MICU3: variants seen among roughly 807,000 people sequenced by gnomAD.
MICU3 encodes mitochondrial calcium uptake 3, also known as calcium uptake protein 3, mitochondrial.
In MICU3, 62 loss-of-function variants were observed where a neutral mutation model predicts 66.5. The observed-to-expected ratio is 0.93, with a 90% CI of 0.76 to 1.15. The LOEUF (loss-of-function observed/expected upper bound fraction) is 1.15. MICU3 is among the 50% of genes most tolerant of loss of function. The pLI, the probability that MICU3 is intolerant of heterozygous loss-of-function variation, is 0.00. For synonymous variants in MICU3, 308 were observed against 240.7 expected, an observed-to-expected ratio of 1.28 and a Z score of -2.59; for missense variants, 779 against 664.4, an observed-to-expected ratio of 1.17 and a Z score of -1.90.
In MICU3 at chr8:17,121,017, A is replaced by C. The variant is rs1298029821; in HGVS notation, c.*730A>C. 1 of 151,860 alleles carries C rather than the reference A, an allele frequency of 6.6e-6. No individual in the cohort carries two copies. The highest frequency in any genetic ancestry group is 1.5e-5 in the Non-Finnish European group (1 of 67,798). 9.4% of individuals were successfully genotyped at this position (151,860 alleles called of 1,614,324 possible). On this transcript the variant is annotated 3_prime_UTR_variant, in exon 15 of 15. Transcript: ENST00000318063. ...AAGTGTAGAATTTTCCTCCCCCAAA[A>C]AGTCATGTGTTGATAGTAGAAGCAG...
intron 3 of MICU3, 90 bp downstream of exon 3, chr8:17,069,809 T>TTTA: frequency 2.4e-6 from 1 of 415,396 alleles, no homozygotes; most frequent in Non-Finnish European, 3.8e-6. Context: ...TAAAATATAT[T>TTTA]ATGTATTTTT....
rs1210525265 is a variant in MICU3, at chr8:17,027,450, A to C, written c.171A>C (p.Ala57=). 6 of 1,300,722 alleles carry C rather than the reference A, an allele frequency of 4.6e-6. No homozygotes were observed. Among genetic ancestry groups the C allele is most frequent in the Non-Finnish European group, 5.8e-6 (6 of 1,029,242 alleles). The allele number at this position is 1,300,722 out of a possible 1,614,324, so 80.6% of individuals were successfully genotyped here. ...AGGAGAGGGCTGTGGCGGAGGCGGC[A>C]TGGAGGCGGCGGCGGCGCTGGGGGG... ...EDEERAVAEA[A]WRRRRRWGEL... Residue 57 remains alanine (A), a synonymous_variant, in exon 1 of 15, where the codon GCA becomes GCC. Coordinates refer to ENST00000318063, the MANE Select transcript of MICU3 (RefSeq NM_181723.3).
intron 11 of MICU3, among the ~76,000 whole-genome samples, chr8:17,106,490 A>AC (rs1801748801): frequency 6.6e-6 from 1 of 150,552 alleles, no homozygotes; most frequent in Non-Finnish European, 1.5e-5. Context: ...AAATTGTACT[A>AC]CCCTAGTAGT....
intron 3 of MICU3, among the ~76,000 whole-genome samples, chr8:17,075,380 C>G (rs1053908476): frequency 2.6e-5 from 4 of 152,176 alleles, no homozygotes; most frequent in Non-Finnish European, 4.4e-5. Context: ...ACTCTGTAAT[C>G]ACAGTTATTC....
chr8:17,053,485 A>G (rs1816434180), intron 1 of MICU3, among the ~76,000 whole-genome samples: 1 of 152,172 alleles, frequency 6.6e-6, no homozygotes, highest in African/African-American at 2.4e-5. Context: ...TAGCCTCACT[A>G]CCTTAACAAG....
At chr8:17,088,317 A>T (rs1388668170) in intron 7 of MICU3, among the ~76,000 whole-genome samples, 1 of 151,996 alleles carries the variant, frequency 6.6e-6, no homozygotes, top group Non-Finnish European at 1.5e-5. Flanking sequence ...TTCTCTACTT[A>T]ATTCAGGTCT....
intron 12 of MICU3, among the ~76,000 whole-genome samples, chr8:17,115,162 C>G (rs1369325808): frequency 6.6e-6 from 1 of 151,220 alleles, no homozygotes; most frequent in African/African-American, 2.4e-5. Flanking sequence ...TTATTATGTT[C>G]TAGAGAGAAG....
At chr8:17,037,100 G>A (rs543904865) in intron 1 of MICU3, among the ~76,000 whole-genome samples, 59 of 152,330 alleles carry the variant, frequency 3.9e-4, no homozygotes, top group African/African-American at 1.3e-3. Flanking sequence ...AGGGCTGGCC[G>A]GCTGCTCCGA....
At chr8:17,032,978 C>T (rs140204647) in intron 1 of MICU3, among the ~76,000 whole-genome samples, 1 of 152,146 alleles carries the variant, frequency 6.6e-6, no homozygotes. Context: ...CCATATAAGA[C>T]AGCAAAGAAT....
intron 1 of MICU3, among the ~76,000 whole-genome samples, chr8:17,034,008 G>C (rs977560247): frequency 2.0e-5 from 3 of 152,200 alleles, no homozygotes; most frequent in Non-Finnish European, 4.4e-5. Flanking sequence ...CTAGGACTTT[G>C]ATAGCTAGAG....
the MICU3 span, chr8:17,132,243 A>G: frequency 1.3e-5 from 2 of 152,234 alleles, no homozygotes; most frequent in Non-Finnish European, 2.9e-5. Flanking sequence ...CATGAAAAGC[A>G]AAAAAGGAAA....
At chr8:17,126,355 C>T (rs971039367), downstream of MICU3, among the ~76,000 whole-genome samples, 7 of 152,056 alleles carry the variant, frequency 4.6e-5, no homozygotes, top group South Asian at 2.1e-4. Context: ...TCTCTGTACT[C>T]TCTTCCAGTT....
intron 1 of MICU3, among the ~76,000 whole-genome samples, chr8:17,032,166 G>C (rs1019268873): frequency 1.3e-5 from 2 of 152,198 alleles, no homozygotes; most frequent in East Asian, 1.9e-4. Context: ...CTTCAGTAAA[G>C]GTCAAAATTC....
At chr8:17,119,286 C>A (rs973525524) in intron 14 of MICU3, among the ~76,000 whole-genome samples, 2 of 152,094 alleles carry the variant, frequency 1.3e-5, no homozygotes. Context: ...TTTATTATAA[C>A]TTATTATTCC....
intron 2 of MICU3, 130 bp downstream of exon 2, chr8:17,064,367 CA>C: frequency 1.6e-6 from 1 of 607,702 alleles, no homozygotes; most frequent in Non-Finnish European, 2.7e-6. Context: ...TTGTGCTATT[CA>C]GTGTTACAGA....
At chr8:17,031,680 T>C (rs771161475) in intron 1 of MICU3, among the ~76,000 whole-genome samples, 34 of 152,308 alleles carry the variant, frequency 2.2e-4, no homozygotes, top group Admixed American at 5.9e-4. Context: ...AAGTGTCTTT[T>C]AAGTATAATA....
At position 17,044,509 on chromosome 8, in the gene MICU3, A is replaced by T. The variant is rs538574583; in HGVS notation, c.381+16849A>T. Reference sequence around the variant, plus strand: ...TTTTTGGAAAAACAAAGCACTGAAGACAGAGGGATCAGAGGAATGTAACCT... The same window carrying T: ...TTTTTGGAAAAACAAAGCACTGAAGTCAGAGGGATCAGAGGAATGTAACCT... On this transcript the variant is annotated intron_variant, in intron 1 of 14. Transcript: ENST00000318063. 2.6e-5 allele frequency among the ~76,000 whole-genome samples: 4 copies of T among 152,344 alleles called. No homozygotes were observed. The East Asian group carries it at 7.7e-4, about 29-fold the overall frequency.
chr8:17,125,730 T>A (rs1016073104), downstream of MICU3, among the ~76,000 whole-genome samples: 1 of 152,074 alleles, frequency 6.6e-6, no homozygotes, highest in Admixed American at 6.6e-5. Flanking sequence ...CTTCTCCTTG[T>A]GCATATAACA....
chr8:17,080,139 T>C (rs1048245943), intron 4 of MICU3, among the ~76,000 whole-genome samples: 1 of 152,158 alleles, frequency 6.6e-6, no homozygotes, highest in Non-Finnish European at 1.5e-5. Context: ...GTTAGTTTTA[T>C]AGTATTCTGT....
Sources: allele counts gnomAD v4.1 joint callset (sites outside exome capture counted in the v4.1 genomes callset), GRCh38; gene constraint gnomAD v4.1.1; transcripts MANE v1.5; gene names NCBI Gene and HGNC (gene_info 2026-07-23, HGNC 2026-07-21).